Variants in RFC3 observed in about 807,000 individuals in gnomAD.
The protein encoded by RFC3 is replication factor C subunit 3, also known as A1 38 kDa subunit.
A neutral mutation model predicts 45.1 loss-of-function variants in RFC3; 41 were observed. That is an observed-to-expected ratio of 0.91 (90% confidence interval 0.71 to 1.18). The LOEUF (loss-of-function observed/expected upper bound fraction) is 1.18, where lower values mean the gene tolerates loss of function less well. RFC3 is among the 50% of genes most tolerant of loss of function. The pLI, the probability that RFC3 is intolerant of heterozygous loss-of-function variation, is 0.00. For missense variants in RFC3, 423 were observed against 428.1 expected (o/e 0.99, Z 0.10); for synonymous variants, 149 against 144.0 (o/e 1.03, Z -0.25).
At chr13:33,923,201 A>C (rs968566104) in intron 8 of RFC3, among the ~76,000 whole-genome samples, 1 of 152,058 alleles carries the variant, frequency 6.6e-6, no homozygotes, top group Non-Finnish European at 1.5e-5. Context: ...CTGTAATCTG[A>C]TTTTGTTCTT....
At chr13:33,919,901 T>C (rs1176950672) in intron 8 of RFC3, among the ~76,000 whole-genome samples, 1 of 152,180 alleles carries the variant, frequency 6.6e-6, no homozygotes, top group Admixed American at 6.5e-5. Context: ...ACCTGGGTTG[T>C]AGTCTTCACA....
intron 8 of RFC3, among the ~76,000 whole-genome samples, chr13:33,904,669 G>A (rs1025451252): frequency 5.3e-5 from 8 of 151,972 alleles, no homozygotes; most frequent in South Asian, 2.1e-4. Flanking sequence ...ATTCCCTCAC[G>A]TGCCATTCAG....
intron 8 of RFC3, among the ~76,000 whole-genome samples, chr13:33,931,178 G>A (rs183560940): frequency 6.6e-6 from 1 of 152,100 alleles, no homozygotes; most frequent in Admixed American, 6.6e-5. Flanking sequence ...GATCAAAATA[G>A]AATTTTCAAG....
At chr13:33,855,237 A>AT (rs2082301612) in intron 8 of RFC3, among the ~76,000 whole-genome samples, 1 of 152,110 alleles carries the variant, frequency 6.6e-6, no homozygotes. Context: ...AACTTTTAAC[A>AT]TTTTTTCTAA....
intron 8 of RFC3, among the ~76,000 whole-genome samples, chr13:33,845,152 A>G (rs998114334): frequency 2.0e-5 from 3 of 152,140 alleles, no homozygotes; most frequent in Non-Finnish European, 4.4e-5. Flanking sequence ...TGCCAGACAT[A>G]TTGGAGCCCC....
intron 8 of RFC3, among the ~76,000 whole-genome samples, chr13:33,932,378 G>A (rs2082858201): frequency 6.6e-6 from 1 of 152,046 alleles, no homozygotes; most frequent in African/African-American, 2.4e-5. Flanking sequence ...CATTGGAATT[G>A]TCTTGCAGTA....
intron 8 of RFC3, among the ~76,000 whole-genome samples, chr13:33,954,830 C>T (rs960065838): frequency 1.3e-5 from 2 of 152,168 alleles, no homozygotes; most frequent in African/African-American, 4.8e-5. Flanking sequence ...TCTCCAAATA[C>T]CAACACACTG....
chr13:33,908,525 A>G (rs751779264), intron 8 of RFC3, among the ~76,000 whole-genome samples: 1 of 151,456 alleles, frequency 6.6e-6, no homozygotes, highest in Non-Finnish European at 1.5e-5. Context: ...AAGGAGGGCA[A>G]TTGTCAGGGT....
the RFC3 span, among the ~76,000 whole-genome samples, chr13:33,974,228 A>T: frequency 6.6e-6 from 1 of 152,152 alleles, no homozygotes; most frequent in African/African-American, 2.4e-5. Context: ...CCTAGAAAAT[A>T]AGTTAGCACA....
At chr13:33,966,127 G>T in exon 9 of RFC3, 1 of 1,608,252 alleles carries the variant, frequency 6.2e-7, no homozygotes, top group Non-Finnish European at 8.5e-7. Context: ...ATATTCTGAG[G>T]ACCTCCAAAG....
intron 8 of RFC3, among the ~76,000 whole-genome samples, chr13:33,860,233 C>CT (rs5802695): frequency 3.4e-4 from 50 of 148,084 alleles, no homozygotes; most frequent in Middle Eastern, 3.4e-3. Context: ...GTGTGTTGCA[C>CT]TTTTTTTTTT....
At chr13:33,822,139 T>C (rs1196700662) in intron 2 of RFC3, among the ~76,000 whole-genome samples, 1 of 152,172 alleles carries the variant, frequency 6.6e-6, no homozygotes, top group Non-Finnish European at 1.5e-5. Flanking sequence ...TTTAGATACA[T>C]TGAGTTTGAG....
intron 8 of RFC3, chr13:33,847,816 T>C (rs2082249156): frequency 6.6e-6 from 1 of 152,186 alleles, no homozygotes; most frequent in East Asian, 1.9e-4. Flanking sequence ...CCAGTGAACT[T>C]TTAATTGACC....
intron 4 of RFC3, among the ~76,000 whole-genome samples, chr13:33,829,097 A>T (rs2082078023): frequency 6.6e-6 from 1 of 152,210 alleles, no homozygotes; most frequent in African/African-American, 2.4e-5. Context: ...TTTATGGGGC[A>T]GATCTAAATG....
intron 8 of RFC3, among the ~76,000 whole-genome samples, chr13:33,867,979 A>G (rs1384795173): frequency 6.6e-6 from 1 of 152,222 alleles, no homozygotes; most frequent in Non-Finnish European, 1.5e-5. Context: ...GTGGAATCCA[A>G]CAGAAATAGA....
At chr13:33,828,524 C>T (rs1593612210) in intron 4 of RFC3, among the ~76,000 whole-genome samples, 1 of 152,198 alleles carries the variant, frequency 6.6e-6, no homozygotes, top group Admixed American at 6.5e-5. Flanking sequence ...GTCGAATCTC[C>T]CCCCTCGGTA....
chr13:33,967,413 A>T (rs1041510653), downstream of RFC3, among the ~76,000 whole-genome samples: 5 of 151,862 alleles, frequency 3.3e-5, no homozygotes, highest in Admixed American at 2.0e-4. Context: ...AGAGTACAAT[A>T]TATATGAGTC....
At chr13:33,943,848 G>T (rs780711821) in intron 8 of RFC3, among the ~76,000 whole-genome samples, 1 of 152,120 alleles carries the variant, frequency 6.6e-6, no homozygotes, top group African/African-American at 2.4e-5. Flanking sequence ...TTACCATATT[G>T]TATTGGTTAG....
intron 8 of RFC3, among the ~76,000 whole-genome samples, chr13:33,863,507 C>T (rs900150091): frequency 1.4e-4 from 21 of 152,338 alleles, no homozygotes; most frequent in African/African-American, 5.1e-4. Context: ...CATTTAACCA[C>T]ACCTGCATCA....
Sources: allele counts gnomAD v4.1 joint callset (sites outside exome capture counted in the v4.1 genomes callset), GRCh38; gene constraint gnomAD v4.1.1; transcripts MANE v1.5; gene names NCBI Gene and HGNC (gene_info 2026-07-23, HGNC 2026-07-21).